Variants in GRIN2A observed in about 807,000 individuals in gnomAD.
The protein encoded by GRIN2A is glutamate ionotropic receptor NMDA type subunit 2A.
GRIN2A carries 22 observed loss-of-function variants against 113.4 expected under a neutral mutation model. The ratio of observed to expected loss-of-function variants is 0.19; its 90% CI spans 0.14 to 0.28. GRIN2A has a LOEUF of 0.28. Among genes scored for constraint, GRIN2A ranks in the 10% least tolerant of loss-of-function variants. The pLI is 1.00. For missense variants in GRIN2A, 1,502 were observed against 1,887.0 expected (o/e 0.80, Z 3.78); for synonymous variants, 827 against 738.4 (o/e 1.12, Z -1.94).
intron 2 of GRIN2A, among the ~76,000 whole-genome samples, chr16:10,109,004 T>A (rs1404791603): frequency 3.5e-5 from 4 of 113,424 alleles, no homozygotes; most frequent in Non-Finnish European, 7.0e-5. Context: ...AACCCAAAGC[T>A]GATTCTCTTT....
At chr16:9,806,679 G>C (rs955705360) in intron 10 of GRIN2A, among the ~76,000 whole-genome samples, 1 of 151,440 alleles carries the variant, frequency 6.6e-6, no homozygotes, top group African/African-American at 2.4e-5. Context: ...AAGTGAGGAA[G>C]AGAAACAGAG....
chr16:10,043,112 C>G (rs1221053516), intron 2 of GRIN2A, among the ~76,000 whole-genome samples: 1 of 152,196 alleles, frequency 6.6e-6, no homozygotes, highest in Non-Finnish European at 1.5e-5. Flanking sequence ...GTAATGGGCT[C>G]TCTGCATTTT....
intron 2 of GRIN2A, among the ~76,000 whole-genome samples, chr16:10,063,668 T>C (rs745566901): frequency 3.7e-4 from 57 of 152,236 alleles, no homozygotes; most frequent in Non-Finnish European, 2.8e-4. Context: ...TCAGAGGATC[T>C]AAATTACATG....
chr16:9,841,471 C>G (rs1008731852), intron 5 of GRIN2A, among the ~76,000 whole-genome samples: 1 of 152,160 alleles, frequency 6.6e-6, no homozygotes, highest in African/African-American at 2.4e-5. Context: ...ACATACACAA[C>G]TTTAGACTAG....
chr16:9,814,693 C>A (rs2042152913), intron 10 of GRIN2A, among the ~76,000 whole-genome samples: 1 of 152,128 alleles, frequency 6.6e-6, no homozygotes, highest in Non-Finnish European at 1.5e-5. Context: ...ACATGGACTA[C>A]CTACATCTGA....
In GRIN2A at chr16:9,763,801, A is replaced by G; in HGVS notation, c.3743T>C (p.Ile1248Thr). ...ACLRMGNLYD[I>T]DEDQMLQETG... ...CTCCTGAAGCATCTGGTCTTCATCG[A>G]TGTCATAGAGGTTCCCCATCCGCAG... The change falls in exon 13 of 13, where the codon ATC (isoleucine) becomes ACC (threonine). Residue 1248 changes from isoleucine (I) to threonine (T), a missense_variant. This residue lies in a region of GRIN2A where 832 missense variants were observed against 789.7 expected (regional missense o/e 1.05). Coordinates refer to ENST00000330684, the MANE Select transcript of GRIN2A (RefSeq NM_001134407.3). 1 of 1,614,010 alleles carries G rather than the reference A, an allele frequency of 6.2e-7. No homozygotes were observed. Among genetic ancestry groups the G allele is most frequent in the Non-Finnish European group, 8.5e-7 (1 of 1,179,992 alleles).
chr16:10,096,768 G>A (rs1178417512), intron 2 of GRIN2A, among the ~76,000 whole-genome samples: 7 of 151,792 alleles, frequency 4.6e-5, no homozygotes, highest in Admixed American at 4.6e-4. Context: ...CATTCTCCTT[G>A]TACTTCCCCT....
rs1169398917 is a variant in GRIN2A at position 9,753,419 on chromosome 16, T to C, written c.*9730A>G. The C allele has an allele frequency of 5.2e-6, 1 of 190,814 alleles. No individual in the cohort carries two copies. Among genetic ancestry groups the C allele is most frequent in the East Asian group, 8.3e-5 (1 of 11,984 alleles). 11.8% of individuals were successfully genotyped at this position (190,814 alleles called of 1,614,324 possible). The stretch of plus-strand genomic sequence containing the variant: ...CACAACTCAATTTCTCATTTTCATA[T>C]CAATTGGCAGAAATTATCTTTATTA... On this transcript the variant is annotated 3_prime_UTR_variant, in exon 13 of 13. Coordinates refer to ENST00000330684, the MANE Select transcript of GRIN2A (RefSeq NM_001134407.3).
chr16:10,046,116 A>T (rs965378532), intron 2 of GRIN2A, among the ~76,000 whole-genome samples: 11 of 152,162 alleles, frequency 7.2e-5, no homozygotes, highest in Non-Finnish European at 1.3e-4. Flanking sequence ...TGCCTTAGCC[A>T]GTGATGGTTT....
intron 12 of GRIN2A, among the ~76,000 whole-genome samples, chr16:9,767,620 A>C (rs1901003364): frequency 6.6e-6 from 1 of 152,222 alleles, no homozygotes; most frequent in African/African-American, 2.4e-5. Context: ...AAAACAAACA[A>C]AAAAACAAGG....
intron 7 of GRIN2A, among the ~76,000 whole-genome samples, chr16:9,834,904 G>C (rs2042561347): frequency 6.6e-6 from 1 of 152,038 alleles, no homozygotes; most frequent in African/African-American, 2.4e-5. Context: ...ACCATCCAGG[G>C]GGCTAAAGCT....
intron 2 of GRIN2A, among the ~76,000 whole-genome samples, chr16:10,124,274 GT>G (rs1432486813): frequency 6.6e-6 from 1 of 152,084 alleles, no homozygotes; most frequent in Non-Finnish European, 1.5e-5. Flanking sequence ...GAGATCCTTC[GT>G]TTGCTTACTT....
intron 2 of GRIN2A, among the ~76,000 whole-genome samples, chr16:10,041,181 G>C (rs2047161619): frequency 6.6e-6 from 1 of 152,160 alleles, no homozygotes; most frequent in Admixed American, 6.5e-5. Flanking sequence ...TCTTCCATGA[G>C]ACCTTCCCAT....
At chr16:10,106,304 G>A (rs1475075262) in intron 2 of GRIN2A, among the ~76,000 whole-genome samples, 1 of 149,960 alleles carries the variant, frequency 6.7e-6, no homozygotes. Flanking sequence ...GCTCACTTCT[G>A]TAATCCTAGC....
chr16:10,083,167 C>T (rs1172033798), intron 2 of GRIN2A, among the ~76,000 whole-genome samples: 1 of 152,234 alleles, frequency 6.6e-6, no homozygotes, highest in South Asian at 2.1e-4. Flanking sequence ...GAAACCCCCA[C>T]ATTTGTCATT....
chr16:10,026,474 G>A (rs1328122636), intron 2 of GRIN2A, among the ~76,000 whole-genome samples: 1 of 144,224 alleles, frequency 6.9e-6, no homozygotes, highest in African/African-American at 2.6e-5. Context: ...ATAGCCTGTA[G>A]GATATCTCCA....
intron 3 of GRIN2A, among the ~76,000 whole-genome samples, chr16:9,918,060 G>A (rs1213678085): frequency 6.6e-6 from 1 of 152,136 alleles, no homozygotes; most frequent in South Asian, 2.1e-4. Context: ...GCCAGGTACT[G>A]AGCTAAATGT....
chr16:10,047,228 A>G (rs573419983), intron 2 of GRIN2A, among the ~76,000 whole-genome samples: 1 of 152,362 alleles, frequency 6.6e-6, no homozygotes, highest in East Asian at 1.9e-4. Flanking sequence ...ATTTTATAAC[A>G]TAAAACAACC....
rs1329156136 is a variant in GRIN2A, at chr16:9,760,688, T to G, written c.*2461A>C. On this transcript the variant is annotated 3_prime_UTR_variant, in exon 13 of 13. Coordinates refer to ENST00000330684, the MANE Select transcript of GRIN2A (RefSeq NM_001134407.3). ...CTCTCACTCTCCCTGGAGGTCTCTG[T>G]GGCATTTGGCAGCCCCCTGGGTTTA... 2 of 226,566 alleles carry G rather than the reference T, an allele frequency of 8.8e-6. No homozygotes were observed. The highest frequency in any genetic ancestry group is 6.3e-5 in the East Asian group (1 of 15,800). 14.0% of individuals were successfully genotyped at this position (226,566 alleles called of 1,614,324 possible). A position where few individuals can be genotyped will look rare whatever the true frequency, so the allele number is the denominator to read the frequency against.
Sources: allele counts gnomAD v4.1 joint callset (sites outside exome capture counted in the v4.1 genomes callset), GRCh38; gene constraint gnomAD v4.1.1; regional missense constraint gnomAD v4.1.1; transcripts MANE v1.5; gene names NCBI Gene and HGNC (gene_info 2026-07-23, HGNC 2026-07-21).